UMAD1: variants seen among roughly 807,000 people sequenced by gnomAD.
UMAD1 encodes UBAP1-MVB12-associated (UMA) domain containing 1.
In UMAD1, 8 loss-of-function variants were observed where a neutral mutation model predicts 6.1. The ratio of observed to expected loss-of-function variants is 1.30; its 90% CI spans 0.76 to 2.35. UMAD1 has a LOEUF of 2.35. Among genes scored for constraint, UMAD1 ranks in the 30% most tolerant of loss-of-function variants. The pLI is 0.00. For synonymous variants in UMAD1, 56 were observed against 31.4 expected, an observed-to-expected ratio of 1.78 and a Z score of -2.61; for missense variants, 130 against 78.4, an observed-to-expected ratio of 1.66 and a Z score of -2.49.
chr7:7,728,513 G>A (rs764031322), intron 2 of UMAD1, among the ~76,000 whole-genome samples: 3 of 151,982 alleles, frequency 2.0e-5, no homozygotes, highest in African/African-American at 4.8e-5. Context: ...GCGTGGTGGC[G>A]TGCACCTGTA....
At chr7:7,699,047 T>G (rs1487512743) in intron 2 of UMAD1, among the ~76,000 whole-genome samples, 18 of 121,582 alleles carry the variant, frequency 1.5e-4, no homozygotes, top group African/African-American at 5.0e-4. Context: ...TGTGTGTGTG[T>G]GTGGGGGGGG....
At chr7:7,848,737 A>T (rs1259595611) in intron 3 of UMAD1, among the ~76,000 whole-genome samples, 1 of 152,148 alleles carries the variant, frequency 6.6e-6, no homozygotes, top group Non-Finnish European at 1.5e-5. Flanking sequence ...TCAAACTTAA[A>T]GGAAAAGACA....
intron 3 of UMAD1, among the ~76,000 whole-genome samples, chr7:7,875,993 A>T (rs1233473756): frequency 6.6e-6 from 1 of 152,220 alleles, no homozygotes; most frequent in African/African-American, 2.4e-5. Flanking sequence ...CAGGGAGGAT[A>T]CAGTGAGCCA....
At chr7:7,802,558 G>A (rs1419881614) in intron 3 of UMAD1, among the ~76,000 whole-genome samples, 1 of 152,164 alleles carries the variant, frequency 6.6e-6, no homozygotes, top group Non-Finnish European at 1.5e-5. Flanking sequence ...AAACTATATA[G>A]AAATATACTA....
chr7:7,725,498 T>C (rs1277234977), intron 2 of UMAD1, among the ~76,000 whole-genome samples: 1 of 152,222 alleles, frequency 6.6e-6, no homozygotes, highest in African/African-American at 2.4e-5. Flanking sequence ...TGCCATCTTT[T>C]GCAGATAACT....
chr7:7,775,882 T>G (rs370870526), intron 2 of UMAD1, among the ~76,000 whole-genome samples: 1 of 152,188 alleles, frequency 6.6e-6, no homozygotes, highest in African/African-American at 2.4e-5. Context: ...TAGTAATGGA[T>G]AGCAAAGTGG....
chr7:7,716,408 A>G (rs1780905797), intron 2 of UMAD1, among the ~76,000 whole-genome samples: 1 of 152,204 alleles, frequency 6.6e-6, no homozygotes, highest in African/African-American at 2.4e-5. Context: ...CAGCCCCCAA[A>G]TCATTTCTTT....
chr7:7,728,268 C>T (rs149839816), intron 2 of UMAD1, among the ~76,000 whole-genome samples: 8 of 152,262 alleles, frequency 5.3e-5, no homozygotes, highest in African/African-American at 1.4e-4. Context: ...TCCTGGTTCT[C>T]GCTGTTCACA....
At chr7:7,811,898 G>A (rs200683648) in intron 3 of UMAD1, among the ~76,000 whole-genome samples, 3 of 89,662 alleles carry the variant, frequency 3.3e-5, no homozygotes, top group African/African-American at 4.4e-5. Context: ...TTAAAAATAC[G>A]TTGTTATTTC....
At chr7:7,783,105 T>C (rs1259951762) in intron 2 of UMAD1, among the ~76,000 whole-genome samples, 1 of 152,178 alleles carries the variant, frequency 6.6e-6, no homozygotes, top group East Asian at 1.9e-4. Context: ...TGTCTTCTTT[T>C]GAGATGGTGG....
At chr7:7,715,232 A>T (rs920617829) in intron 2 of UMAD1, 9 of 152,206 alleles carry the variant, frequency 5.9e-5, no homozygotes, top group African/African-American at 2.2e-4. Context: ...AGTACCTGAG[A>T]CAAAGTGAAC....
chr7:7,784,813 G>C (rs186073443), intron 2 of UMAD1, among the ~76,000 whole-genome samples: 27 of 129,072 alleles, frequency 2.1e-4, no homozygotes, highest in Non-Finnish European at 2.5e-4. Flanking sequence ...CCAGGCTGGA[G>C]TGCAGTGGCG....
chr7:7,766,400 G>A (rs1781985981), intron 2 of UMAD1, among the ~76,000 whole-genome samples: 1 of 152,096 alleles, frequency 6.6e-6, no homozygotes, highest in East Asian at 1.9e-4. Flanking sequence ...TTCAAACTCC[G>A]TAGTGAATAA....
chr7:7,822,587 C>A (rs895477882), intron 3 of UMAD1, among the ~76,000 whole-genome samples: 3 of 151,996 alleles, frequency 2.0e-5, no homozygotes, highest in African/African-American at 7.2e-5. Context: ...TGGTATCTGC[C>A]CTGTAAGTAG....
chr7:7,754,053 C>A (rs372010108), intron 2 of UMAD1, among the ~76,000 whole-genome samples: 2 of 151,998 alleles, frequency 1.3e-5, no homozygotes, highest in Non-Finnish European at 2.9e-5. Context: ...AGCGTGGTGG[C>A]GGGCGCCTGT....
intron 3 of UMAD1, among the ~76,000 whole-genome samples, chr7:7,876,356 G>A (rs1021743015): frequency 2.0e-5 from 3 of 152,188 alleles, no homozygotes; most frequent in Non-Finnish European, 4.4e-5. Context: ...GCCAGATGGC[G>A]AAGGAGCTAG....
chr7:7,825,004 G>GTTACATA (rs1783312918), intron 3 of UMAD1, among the ~76,000 whole-genome samples: 1 of 152,084 alleles, frequency 6.6e-6, no homozygotes, highest in Non-Finnish European at 1.5e-5. Flanking sequence ...GTGGTCATGG[G>GTTACATA]TAGCATTATG....
Position 7,680,843 on chromosome 7 carries a change from G to C in UMAD1, c.82+7390G>C, listed in dbSNP as rs554672047. Among the ~76,000 whole-genome samples, 235 of 151,126 alleles carry C rather than the reference G, an allele frequency of 1.6e-3. 2 individuals carry two copies. Among genetic ancestry groups the C allele is most frequent in the African/African-American group, 4.2e-3 (175 of 41,178 alleles). On this transcript the variant is annotated intron_variant, in intron 2 of 3. Coordinates refer to ENST00000682710, the MANE Select transcript of UMAD1 (RefSeq NM_001302348.2). Reference sequence around the variant, plus strand: ...ACTTTCTTGGTTTCTTTTTCAAATTGTTTGCTGTTGGCATATAAAAATGCT... The same window carrying C: ...ACTTTCTTGGTTTCTTTTTCAAATTCTTTGCTGTTGGCATATAAAAATGCT...
intron 2 of UMAD1, among the ~76,000 whole-genome samples, chr7:7,700,896 A>C (rs1009825502): frequency 6.6e-6 from 1 of 152,090 alleles, no homozygotes; most frequent in African/African-American, 2.4e-5. Flanking sequence ...CTTAAAAAAA[A>C]ACAAAATGCC....
Sources: gnomAD v4.1 joint callset for allele counts (sites outside exome capture counted in the v4.1 genomes callset) on GRCh38, gnomAD v4.1.1 for gene constraint, MANE v1.5 for transcripts, NCBI Gene and HGNC (gene_info 2026-07-23, HGNC 2026-07-21) for gene names.